The following SORCS3 variants were observed in gnomAD, a reference collection of about 807,000 sequenced individuals.
The protein encoded by SORCS3 is sortilin related VPS10 domain containing receptor 3.
SORCS3 carries 57 observed loss-of-function variants against 146.3 expected under a neutral mutation model. That is an observed-to-expected ratio of 0.39 (90% CI 0.31 to 0.49). The LOEUF (loss-of-function observed/expected upper bound fraction) is 0.49, where lower values mean the gene tolerates loss of function less well. SORCS3 is among the 20% of genes least tolerant of loss of function. SORCS3 has a pLI of 0.92. For missense variants in SORCS3, 1,341 were observed against 1,575.5 expected (o/e 0.85, Z 2.52); for synonymous variants, 653 against 618.5 (o/e 1.06, Z -0.83).
rs1162969172 is a variant in SORCS3, at chr10:104,706,201, CTTTTTTTT to C, written c.627+64265_627+64272del. 7.8e-3 allele frequency among the ~76,000 whole-genome samples: 672 copies of C among 85,874 alleles called. 6 individuals carry two copies. The highest frequency in any genetic ancestry group is 0.03 in the African/African-American group (596 of 19,938). 56.3% of individuals were successfully genotyped at this position (85,874 alleles called of 152,430 possible). A position where few individuals can be genotyped will look rare whatever the true frequency, so the allele number is the denominator to read the frequency against. ...TTGTTTGTTTGTTTCTTTTCTTCTT[CTTTTTTTT>C]TTTTTTTTTTTTTTTTTGAGAAGGA... On this transcript the variant is annotated intron_variant, in intron 1 of 26. Coordinates refer to ENST00000369701, the MANE Select transcript of SORCS3 (RefSeq NM_014978.3).
In SORCS3 at chr10:104,641,773, C is replaced by T. The variant is rs2015421044; in HGVS notation, c.446C>T (p.Ala149Val). The change falls in exon 1 of 27, where the codon GCT becomes GTT. Residue 149 changes from alanine (A) to valine (V), a missense_variant. Physicochemically the swap from Ala to Val is moderately conservative, Grantham distance 64. Transcript: ENST00000369701. This position sits in a 1 kb window ranked among gnomAD's most constrained non-coding sequence, Gnocchi z 6.4. ...GAACGCGGGGACGCCTGGGCCACTG[C>T]TCCGGCCGATGGTTCCAGAGGAAGC... Reference protein sequence around the residue: ...TQERGDAWATAPADGSRGSRP... With the variant: ...TQERGDAWATVPADGSRGSRP... 2 of 1,547,866 alleles carry T rather than the reference C, an allele frequency of 1.3e-6. No homozygotes were observed. Among genetic ancestry groups the T allele is most frequent in the South Asian group, 1.2e-5 (1 of 83,920 alleles).
At chr10:104,913,308 T>C (rs968796472) in intron 2 of SORCS3, among the ~76,000 whole-genome samples, 1 of 152,076 alleles carries the variant, frequency 6.6e-6, no homozygotes, top group Non-Finnish European at 1.5e-5. Flanking sequence ...GCCACAGCAT[T>C]GGTGTGATGA....
At chr10:104,986,753 G>A (rs947397520) in intron 4 of SORCS3, among the ~76,000 whole-genome samples, 6 of 152,182 alleles carry the variant, frequency 3.9e-5, no homozygotes, top group Non-Finnish European at 7.3e-5. Flanking sequence ...TCAGTAGATG[G>A]AGCATTAGGA....
In SORCS3 at chr10:105,001,034, A is replaced by G. The variant is rs557507671; in HGVS notation, c.954+23541A>G. Among the ~76,000 whole-genome samples, 92 of 152,326 alleles carry G rather than the reference A, an allele frequency of 6.0e-4. 1 individual carries two copies. The highest frequency in any genetic ancestry group is 3.4e-3 in the Middle Eastern group (1 of 294). ...AAGATTTTTGAATTATACTTTATCT[A>G]TTAGATCAAAATGTTTGTTGGGAGA... On this transcript the variant is annotated intron_variant, in intron 4 of 26. Transcript: ENST00000369701.
intron 1 of SORCS3, among the ~76,000 whole-genome samples, chr10:104,728,237 A>G (rs1254012166): frequency 6.6e-6 from 1 of 152,104 alleles, no homozygotes; most frequent in Non-Finnish European, 1.5e-5. Context: ...AATGCTTAGA[A>G]GTAGAATTTC....
chr10:104,739,713 G>A (rs2016818330), intron 1 of SORCS3, among the ~76,000 whole-genome samples: 1 of 152,218 alleles, frequency 6.6e-6, no homozygotes, highest in African/African-American at 2.4e-5. Flanking sequence ...CATGTCTGAA[G>A]GATCTGGAGT....
At chr10:105,030,161 A>C (rs2055255857) in intron 4 of SORCS3, among the ~76,000 whole-genome samples, 1 of 152,186 alleles carries the variant, frequency 6.6e-6, no homozygotes, top group Non-Finnish European at 1.5e-5. Flanking sequence ...CTATGTAACC[A>C]TCTCCCCCAA....
chr10:105,058,620 G>A (rs2055462077), intron 5 of SORCS3, among the ~76,000 whole-genome samples: 1 of 152,150 alleles, frequency 6.6e-6, no homozygotes, highest in Non-Finnish European at 1.5e-5. Flanking sequence ...GCAGTGTAAT[G>A]GAAAGAGCAT....
chr10:105,063,831 T>C lies in SORCS3; in HGVS notation c.1028+20703T>C, dbSNP rs967754293. ...CACATGCTGTATTGATAAAAGACTA[T>C]TGAAAGAAGCCTGGAGAAGTAGTTA... On this transcript the variant is annotated intron_variant, in intron 5 of 26. Transcript: ENST00000369701. 5.3e-5 allele frequency among the ~76,000 whole-genome samples: 8 copies of C among 152,296 alleles called. No individual in the cohort carries two copies. The South Asian group carries it at 1.7e-3, about 32-fold the overall frequency.
At chr10:105,176,575 G>A (rs938515221) in intron 13 of SORCS3, among the ~76,000 whole-genome samples, 2 of 151,594 alleles carry the variant, frequency 1.3e-5, no homozygotes, top group African/African-American at 4.8e-5. Context: ...AAAAAACATG[G>A]CCAGGCACGG....
intron 5 of SORCS3, among the ~76,000 whole-genome samples, chr10:105,046,969 C>T (rs1039088240): frequency 1.3e-5 from 2 of 151,832 alleles, no homozygotes; most frequent in Non-Finnish European, 2.9e-5. Context: ...TTAACATATT[C>T]CCTTCATTCT....
At position 105,252,861 on chromosome 10, in the gene SORCS3, G is replaced by T; in HGVS notation, c.3192G>T (p.Lys1064Asn). 6.2e-7 allele frequency: 1 copy of T among 1,613,902 alleles called. No individual in the cohort carries two copies. The highest frequency in any genetic ancestry group is 1.1e-5 in the South Asian group (1 of 91,020). The change falls in exon 23 of 27, where the codon AAG becomes AAT. Residue 1064 changes from lysine to asparagine, a missense_variant. By Grantham distance (94) the Lys-to-Asn change is moderately conservative. Transcript: ENST00000369701. ...TSAELFILPP[K>N]NLTERRKGNE... ...CAGAGCTTTTCATTCTTCCACCCAAGAACCTGACAGAGAGGAGGAAAGGCA... is the reference window on the plus strand; with the variant it reads ...CAGAGCTTTTCATTCTTCCACCCAATAACCTGACAGAGAGGAGGAAAGGCA...
intron 1 of SORCS3, among the ~76,000 whole-genome samples, chr10:104,758,242 C>A (rs535944028): frequency 1.3e-5 from 2 of 151,996 alleles, no homozygotes; most frequent in Non-Finnish European, 1.5e-5. Context: ...TGCTTTGTTG[C>A]GGTGGGTATG....
chr10:104,758,220 G>A (rs1301850332), intron 1 of SORCS3, among the ~76,000 whole-genome samples: 1 of 59,480 alleles, frequency 1.7e-5, no homozygotes, highest in Admixed American at 1.7e-4. Flanking sequence ...GGCCCTCGGT[G>A]TGTTTGGAAA....
chr10:104,841,828 TA>T (rs2018144225), intron 1 of SORCS3, among the ~76,000 whole-genome samples: 1 of 152,150 alleles, frequency 6.6e-6, no homozygotes, highest in Admixed American at 6.5e-5. Context: ...AGTTGTGCAT[TA>T]AATTTAGATA....
chr10:104,650,606 T>C (rs1589446772), intron 1 of SORCS3, among the ~76,000 whole-genome samples: 1 of 152,258 alleles, frequency 6.6e-6, no homozygotes, highest in Admixed American at 6.5e-5. Flanking sequence ...GGTTCTCCCA[T>C]TGCTTCTGTA....
At chr10:104,768,428 T>G (rs1020117145) in intron 1 of SORCS3, among the ~76,000 whole-genome samples, 21 of 152,244 alleles carry the variant, frequency 1.4e-4, no homozygotes, top group Admixed American at 4.6e-4. Flanking sequence ...TACTTTTTTT[T>G]TCTAAATTGT....
chr10:105,092,998 A>G (rs1168311175), intron 6 of SORCS3, among the ~76,000 whole-genome samples: 2 of 152,218 alleles, frequency 1.3e-5, no homozygotes, highest in African/African-American at 2.4e-5. Context: ...AAAATGAAAT[A>G]CAATTCATAT....
chr10:105,093,257 T>C (rs1589629282), intron 6 of SORCS3, among the ~76,000 whole-genome samples: 2 of 152,312 alleles, frequency 1.3e-5, no homozygotes, highest in Admixed American at 6.5e-5. Flanking sequence ...TCACAACTTA[T>C]ACAAAATTTA....
Sources: gnomAD v4.1 joint callset for allele counts (sites outside exome capture counted in the v4.1 genomes callset) on GRCh38, gnomAD v4.1.1 for gene constraint, Gnocchi (gnomAD v3.1) non-coding constraint, MANE v1.5 for transcripts, NCBI Gene and HGNC (gene_info 2026-07-23, HGNC 2026-07-21) for gene names.